Variants in KLF12 observed in about 807,000 individuals in gnomAD.
The protein encoded by KLF12 is Krueppel-like factor 12.
A neutral mutation model predicts 37.8 loss-of-function variants in KLF12; 9 were observed. The observed-to-expected ratio is 0.24, with a 90% CI of 0.14 to 0.42. The LOEUF (loss-of-function observed/expected upper bound fraction) is 0.42. Among genes scored for constraint, KLF12 ranks in the 10% least tolerant of loss-of-function variants. The probability of loss-of-function intolerance (pLI) is 1.00; values close to 1 mark genes in which losing one functional copy is unlikely to be tolerated. For synonymous variants in KLF12, 208 were observed against 202.1 expected (o/e 1.03, Z -0.25); for missense variants, 411 against 516.0 (o/e 0.80, Z 1.97).
intron 3 of KLF12, among the ~76,000 whole-genome samples, chr13:73,918,786 A>C (rs1407479943): frequency 6.6e-6 from 1 of 152,232 alleles, no homozygotes; most frequent in Non-Finnish European, 1.5e-5. Flanking sequence ...AGAAGTGTTA[A>C]GAGAACCCTA....
intron 1 of KLF12, among the ~76,000 whole-genome samples, chr13:74,045,696 T>C (rs1893526083): frequency 6.6e-6 from 1 of 151,786 alleles, no homozygotes; most frequent in Non-Finnish European, 1.5e-5. Flanking sequence ...TTCTCCCACG[T>C]ATTTGCATGG....
chr13:73,842,349 T>A lies in KLF12; in HGVS notation c.670+3478A>T, dbSNP rs966960151. ...GCTGGTCTATTTTAGTCCAACTCTGTCCACAATTATCAGTTATTTGTTTCT... is the reference window on the plus strand; with the variant it reads ...GCTGGTCTATTTTAGTCCAACTCTGACCACAATTATCAGTTATTTGTTTCT... On this transcript the variant is annotated intron_variant, in intron 4 of 7. Coordinates refer to ENST00000377669, the MANE Select transcript of KLF12 (RefSeq NM_007249.5). 2.6e-5 allele frequency among the ~76,000 whole-genome samples: 4 copies of A among 152,358 alleles called. No homozygotes were observed. In the East Asian group the frequency reaches 7.7e-4, roughly 29 times the overall value.
chr13:74,067,895 T>C (rs1270577583), intron 1 of KLF12, among the ~76,000 whole-genome samples: 1 of 152,224 alleles, frequency 6.6e-6, no homozygotes, highest in Non-Finnish European at 1.5e-5. Flanking sequence ...CAAAATGCCA[T>C]GTAACAGAGA....
At chr13:74,278,602 C>A in the KLF12 span, among the ~76,000 whole-genome samples, 123 of 152,276 alleles carry the variant, frequency 8.1e-4, 1 homozygote, top group Admixed American at 4.5e-3. Context: ...TAAAAACCCC[C>A]TCTTTTGACT....
chr13:74,034,381 C>T (rs997821307), intron 1 of KLF12, among the ~76,000 whole-genome samples: 3 of 152,102 alleles, frequency 2.0e-5, no homozygotes, highest in African/African-American at 7.2e-5. Context: ...TTTATGCATT[C>T]TCTTGTGAAA....
At chr13:74,083,486 G>T (rs922249498) in intron 1 of KLF12, among the ~76,000 whole-genome samples, 1 of 141,470 alleles carries the variant, frequency 7.1e-6, no homozygotes, top group African/African-American at 2.8e-5. Flanking sequence ...CAGCCTGGGC[G>T]ATAGGAGACA....
the KLF12 span, among the ~76,000 whole-genome samples, chr13:74,295,088 C>A: frequency 6.6e-6 from 1 of 152,174 alleles, no homozygotes; most frequent in African/African-American, 2.4e-5. Flanking sequence ...TTCAGAGAGG[C>A]ACACTTTCCT....
chr13:74,102,921 A>C (rs1333343556), intron 1 of KLF12, among the ~76,000 whole-genome samples: 1 of 152,242 alleles, frequency 6.6e-6, no homozygotes, highest in Non-Finnish European at 1.5e-5. Flanking sequence ...TTGAAATCTA[A>C]GTAGGTTTTA....
At chr13:73,922,737 G>A (rs1461433220) in intron 3 of KLF12, among the ~76,000 whole-genome samples, 1 of 152,146 alleles carries the variant, frequency 6.6e-6, no homozygotes, top group Non-Finnish European at 1.5e-5. Flanking sequence ...ACTGTCCTAG[G>A]TATTGTGCAA....
At chr13:74,281,882 A>G in the KLF12 span, among the ~76,000 whole-genome samples, 1 of 152,218 alleles carries the variant, frequency 6.6e-6, no homozygotes, top group Non-Finnish European at 1.5e-5. Context: ...TCTACTCAAC[A>G]TTGCTAGCTT....
At chr13:74,014,789 G>A (rs1406829744) in intron 1 of KLF12, among the ~76,000 whole-genome samples, 1 of 152,108 alleles carries the variant, frequency 6.6e-6, no homozygotes, top group African/African-American at 2.4e-5. Context: ...TTAATGTTCA[G>A]CAGATTGAAA....
chr13:74,262,100 T>A, the KLF12 span, among the ~76,000 whole-genome samples: 1 of 152,202 alleles, frequency 6.6e-6, no homozygotes, highest in Non-Finnish European at 1.5e-5. Context: ...AGAAGTGGTG[T>A]AAATAATCAA....
chr13:73,731,776 T>G (rs1877077667), intron 6 of KLF12, among the ~76,000 whole-genome samples: 1 of 152,238 alleles, frequency 6.6e-6, no homozygotes, highest in East Asian at 1.9e-4. Context: ...AACTGTGGCC[T>G]TAGGCAGCCT....
chr13:74,242,382 A>G, the KLF12 span, among the ~76,000 whole-genome samples: 1 of 152,232 alleles, frequency 6.6e-6, no homozygotes, highest in African/African-American at 2.4e-5. Flanking sequence ...CATGTCTTAC[A>G]TGGTGGCAGG....
At chr13:74,027,091 A>T (rs181972367) in intron 1 of KLF12, among the ~76,000 whole-genome samples, 24 of 152,330 alleles carry the variant, frequency 1.6e-4, no homozygotes, top group Admixed American at 3.3e-4. Flanking sequence ...TAGAATAAAG[A>T]AGCAGAATAG....
the KLF12 span, among the ~76,000 whole-genome samples, chr13:74,271,001 G>T: frequency 6.6e-6 from 1 of 152,176 alleles, no homozygotes; most frequent in Non-Finnish European, 1.5e-5. Flanking sequence ...CGCACAGAAG[G>T]AGGTGAGCGG....
chr13:74,188,160 T>A, the KLF12 span, among the ~76,000 whole-genome samples: 1 of 152,190 alleles, frequency 6.6e-6, no homozygotes, highest in Non-Finnish European at 1.5e-5. Context: ...TTGTGGTGTT[T>A]TGTGTACCTG....
the KLF12 span, among the ~76,000 whole-genome samples, chr13:74,188,951 T>C: frequency 3.9e-5 from 6 of 152,016 alleles, no homozygotes; most frequent in Admixed American, 2.6e-4. Context: ...GAGCTGACAT[T>C]GAGCCACTGC....
At chr13:73,909,741 T>G (rs1422846914) in intron 3 of KLF12, among the ~76,000 whole-genome samples, 1 of 152,104 alleles carries the variant, frequency 6.6e-6, no homozygotes, top group Non-Finnish European at 1.5e-5. Flanking sequence ...AAAACAAAAT[T>G]TTTATAGGCG....
Sources: gnomAD v4.1 joint callset for allele counts (sites outside exome capture counted in the v4.1 genomes callset) on GRCh38, gnomAD v4.1.1 for gene constraint, MANE v1.5 for transcripts, NCBI Gene and HGNC (gene_info 2026-07-23, HGNC 2026-07-21) for gene names.